The following ARMH3 variants were observed in gnomAD, a reference collection of about 807,000 sequenced individuals.
ARMH3 encodes armadillo like helical domain containing 3.
Under a neutral mutation model 99.1 loss-of-function variants are expected in ARMH3, and 60 were observed. That is an observed-to-expected ratio of 0.61 (90% CI 0.49 to 0.75). The LOEUF is 0.75. Ranked by LOEUF, ARMH3 falls within the 30% of genes least tolerant of loss-of-function variation. The pLI, the probability that ARMH3 is intolerant of heterozygous loss-of-function variation, is 0.00. For missense variants in ARMH3, 679 were observed against 843.1 expected (o/e 0.81, Z 2.41); for synonymous variants, 285 against 292.8 (o/e 0.97, Z 0.27).
intron 23 of ARMH3, among the ~76,000 whole-genome samples, chr10:101,909,960 T>C (rs1008404189): frequency 6.6e-6 from 1 of 152,210 alleles, no homozygotes; most frequent in African/African-American, 2.4e-5. Context: ...TAATTTTATA[T>C]GTTCAAAATT....
intron 24 of ARMH3, among the ~76,000 whole-genome samples, chr10:101,885,465 G>C (rs1589964770): frequency 6.6e-6 from 1 of 152,188 alleles, no homozygotes; most frequent in Non-Finnish European, 1.5e-5. Flanking sequence ...GAACAAAATT[G>C]TGGCACATGG....
rs11596387 is a variant in ARMH3 at position 101,846,365 on chromosome 10, G to T, written c.*1163C>A. 2,700 of 152,408 alleles carry T rather than the reference G, an allele frequency of 0.018. 32 individuals carry two copies. Among genetic ancestry groups the T allele is most frequent in the Middle Eastern group, 0.037 (11 of 298 alleles). The allele number at this position is 152,408 out of a possible 1,614,324, so 9.4% of individuals were successfully genotyped here. A position where few individuals can be genotyped will look rare whatever the true frequency, so the allele number is the denominator to read the frequency against. ...GAGGCAGGAGAGGCTGCCAGAGGAG[G>T]GGGGGCTAAGGGAGGTGGGGGAGCT... On this transcript the variant is annotated 3_prime_UTR_variant, in exon 26 of 26. Transcript: ENST00000370033.
intron 22 of ARMH3, among the ~76,000 whole-genome samples, chr10:101,956,293 C>T (rs1358723645): frequency 6.6e-6 from 1 of 152,122 alleles, no homozygotes; most frequent in Non-Finnish European, 1.5e-5. Flanking sequence ...TCAATTCCCA[C>T]CCACTCTTTC....
intron 11 of ARMH3, 103 bp downstream of exon 11, chr10:102,011,620 T>A (rs1431858487): frequency 2.3e-6 from 2 of 888,110 alleles, no homozygotes; most frequent in East Asian, 2.6e-5. Context: ...CTTGTCATCA[T>A]GCCATCACTT....
chr10:101,847,172 C>A lies in ARMH3; in HGVS notation c.*356G>T. On this transcript the variant is annotated 3_prime_UTR_variant, in exon 26 of 26. Transcript: ENST00000370033. ...AGCAGAGCCACTGACTTTCAGGGTG[C>A]TGGCATTACCCTGAGGCTTGCCTCA... 1 of 220,618 alleles carries A rather than the reference C, an allele frequency of 4.5e-6. No homozygotes were observed. Among genetic ancestry groups the A allele is most frequent in the Non-Finnish European group, 9.2e-6 (1 of 109,030 alleles). 13.7% of individuals were successfully genotyped at this position (220,618 alleles called of 1,614,324 possible). A position where few individuals can be genotyped will look rare whatever the true frequency, so the allele number is the denominator to read the frequency against.
intron 19 of ARMH3, among the ~76,000 whole-genome samples, chr10:101,977,466 C>A (rs556629741): frequency 6.6e-6 from 1 of 152,048 alleles, no homozygotes; most frequent in East Asian, 1.9e-4. Flanking sequence ...TGGCAAACTA[C>A]ATGGGAAATT....
chr10:101,907,685 G>T (rs1164221437), intron 23 of ARMH3, among the ~76,000 whole-genome samples: 1 of 151,988 alleles, frequency 6.6e-6, no homozygotes, highest in African/African-American at 2.4e-5. Flanking sequence ...TGCTGGGCCG[G>T]GATAATAGTT....
chr10:101,972,368 T>C (rs1351705704), intron 20 of ARMH3, among the ~76,000 whole-genome samples: 1 of 152,218 alleles, frequency 6.6e-6, no homozygotes, highest in Non-Finnish European at 1.5e-5. Flanking sequence ...CTTTTGTGTG[T>C]CCAGTCTAAT....
Position 102,009,370 on chromosome 10 carries a change from C to T in ARMH3, c.954+4G>A. On this transcript the variant is annotated splice_donor_region_variant and intron_variant, in intron 13 of 25. Transcript: ENST00000370033. ...AAAACACTGGGATTTTTAATGTGACCAACCTGAGCTAATACTGTGATGAAG... is the reference window on the plus strand; with the variant it reads ...AAAACACTGGGATTTTTAATGTGACTAACCTGAGCTAATACTGTGATGAAG... The T allele has an allele frequency of 1.2e-6, 2 of 1,610,996 alleles. No individual in the cohort carries two copies. Among genetic ancestry groups the T allele is most frequent in the Non-Finnish European group, 1.7e-6 (2 of 1,177,840 alleles).
chr10:102,021,271 A>G (rs2136155866), intron 8 of ARMH3, among the ~76,000 whole-genome samples: 1 of 151,626 alleles, frequency 6.6e-6, no homozygotes. Flanking sequence ...ATATAGATGG[A>G]GTTTTGCCAT....
chr10:101,892,735 C>G (rs2067724469), intron 23 of ARMH3, among the ~76,000 whole-genome samples: 1 of 152,104 alleles, frequency 6.6e-6, no homozygotes, highest in Non-Finnish European at 1.5e-5. Context: ...TAAAATTTAT[C>G]TAACATAATA....
intron 8 of ARMH3, among the ~76,000 whole-genome samples, chr10:102,020,362 T>A (rs901708533): frequency 6.6e-6 from 1 of 151,856 alleles, no homozygotes; most frequent in African/African-American, 2.4e-5. Flanking sequence ...TAAAACCCTG[T>A]CTCTACTAAA....
chr10:102,052,012 C>T (rs1462512562), intron 1 of ARMH3, among the ~76,000 whole-genome samples: 1 of 152,186 alleles, frequency 6.6e-6, no homozygotes. Flanking sequence ...TGACACATCC[C>T]AGAATGAAAA....
chr10:101,876,414 C>G (rs1188903725), intron 24 of ARMH3, among the ~76,000 whole-genome samples: 2 of 152,100 alleles, frequency 1.3e-5, no homozygotes, highest in Non-Finnish European at 2.9e-5. Context: ...TGTCTTTGTT[C>G]CTAACTCACT....
Position 102,025,263 on chromosome 10 carries a change from C to G in ARMH3, c.415-15G>C. Reference sequence around the variant, plus strand: ...TCCATCAAGTTCTGAGAAAGAGAACCAATAAGCATTAAACCATACCAGATA... The same window carrying G: ...TCCATCAAGTTCTGAGAAAGAGAACGAATAAGCATTAAACCATACCAGATA... On this transcript the variant is annotated splice_polypyrimidine_tract_variant and intron_variant, in intron 5 of 25. Coordinates refer to ENST00000370033, the MANE Select transcript of ARMH3 (RefSeq NM_024541.3). 2 of 1,605,116 alleles carry G rather than the reference C, an allele frequency of 1.2e-6. No individual in the cohort carries two copies. Among genetic ancestry groups the G allele is most frequent in the Non-Finnish European group, 1.7e-6 (2 of 1,172,306 alleles).
chr10:101,914,184 A>G (rs1419652290), intron 23 of ARMH3, among the ~76,000 whole-genome samples: 1 of 152,110 alleles, frequency 6.6e-6, no homozygotes, highest in Non-Finnish European at 1.5e-5. Flanking sequence ...GCATAAAAAC[A>G]CAGGATTAAG....
intron 22 of ARMH3, among the ~76,000 whole-genome samples, chr10:101,954,416 A>G (rs1844936833): frequency 6.6e-6 from 1 of 152,246 alleles, no homozygotes; most frequent in Admixed American, 6.5e-5. Flanking sequence ...ATGAAATACT[A>G]TATGAAAGAA....
intron 16 of ARMH3, among the ~76,000 whole-genome samples, chr10:101,995,014 C>T (rs993416927): frequency 6.6e-6 from 1 of 152,166 alleles, no homozygotes; most frequent in Admixed American, 6.6e-5. Context: ...CCAGCCTGGG[C>T]AACAGAGCGA....
intron 10 of ARMH3, 120 bp from the exon 11 acceptor site, chr10:102,011,903 C>T (rs1237987233): frequency 2.0e-5 from 14 of 715,982 alleles, no homozygotes. Context: ...AAAACTAAAG[C>T]ATTATGACAA....
Sources: allele counts gnomAD v4.1 joint callset (sites outside exome capture counted in the v4.1 genomes callset), GRCh38; gene constraint gnomAD v4.1.1; transcripts MANE v1.5; gene names NCBI Gene and HGNC (gene_info 2026-07-23, HGNC 2026-07-21).